CNGB1: variants seen among roughly 807,000 people sequenced by gnomAD.
The protein encoded by CNGB1 is cyclic nucleotide-gated channel beta-1.
A neutral mutation model predicts 151.7 loss-of-function variants in CNGB1; 126 were observed. The observed-to-expected ratio is 0.83, with a 90% CI of 0.72 to 0.96. The LOEUF is 0.96. Ranked by LOEUF, CNGB1 falls within the 40% of genes least tolerant of loss-of-function variation. CNGB1 has a pLI of 0.00. For synonymous variants in CNGB1, 623 were observed against 635.1 expected (o/e 0.98, Z 0.29); for missense variants, 1,698 against 1,627.0 (o/e 1.04, Z -0.75).
rs1232030692 is a variant in CNGB1 at position 57,960,897 on chromosome 16, A to G, written c.477T>C (p.Leu159=). Residue 159 remains leucine (L), a synonymous_variant, in exon 8 of 33, where the codon CTT becomes CTC. Coordinates refer to ENST00000251102, the MANE Select transcript of CNGB1 (RefSeq NM_001297.5). ...TTTCCAGATTCTGCTCCAGCCACAGAAGCAGCCGCAGCCCAGGCCTGCAGA... is the reference window on the plus strand; with the variant it reads ...TTTCCAGATTCTGCTCCAGCCACAGGAGCAGCCGCAGCCCAGGCCTGCAGA... The part of the protein sequence containing the change: ...AQDTRPGLRL[L]LWLEQNLERV... The G allele has an allele frequency of 6.2e-7, 1 of 1,614,138 alleles. No individual in the cohort carries two copies.
At chr16:57,943,869 G>A (rs1245787978) in intron 14 of CNGB1, among the ~76,000 whole-genome samples, 1 of 152,010 alleles carries the variant, frequency 6.6e-6, no homozygotes, top group Non-Finnish European at 1.5e-5. Flanking sequence ...AGAGGTGTCT[G>A]CACTCCCATC....
chr16:57,942,899 A>G (rs1226995583), intron 14 of CNGB1, among the ~76,000 whole-genome samples: 1 of 151,866 alleles, frequency 6.6e-6, no homozygotes, highest in Non-Finnish European at 1.5e-5. Context: ...TTGATTGAAC[A>G]CTACTTAAAT....
Position 57,964,121 on chromosome 16 carries a change from G to A in CNGB1, c.290+9C>T, listed in dbSNP as rs779192561. The stretch of plus-strand genomic sequence containing the variant: ...CTGGCCCTGAAGAGAGGGGAGGGTG[G>A]TGCAGTACCTATTCATTTCAGAAAT... On this transcript the variant is annotated intron_variant, in intron 4 of 32. Coordinates refer to ENST00000251102, the MANE Select transcript of CNGB1 (RefSeq NM_001297.5). The A allele has an allele frequency of 6.2e-7, 1 of 1,613,748 alleles. No homozygotes were observed.
At chr16:57,885,099 T>C (rs1478280550) in intron 32 of CNGB1, among the ~76,000 whole-genome samples, 1 of 152,100 alleles carries the variant, frequency 6.6e-6, no homozygotes, top group Non-Finnish European at 1.5e-5. Flanking sequence ...TTCACATCAG[T>C]AGGGGACTGG....
At chr16:57,901,067 G>C (rs1043102100) in intron 29 of CNGB1, among the ~76,000 whole-genome samples, 13 of 152,070 alleles carry the variant, frequency 8.5e-5, no homozygotes, top group Non-Finnish European at 1.5e-4. Context: ...GTTGGGGGGG[G>C]GGTCTTTGTC....
At chr16:57,960,614 C>T (rs539948701) in intron 8 of CNGB1, 84 bp from the exon 9 acceptor site, 5 of 1,566,512 alleles carry the variant, frequency 3.2e-6, no homozygotes, top group Non-Finnish European at 4.4e-6. Flanking sequence ...TGTGTCCTGG[C>T]CCAAGGCGGG....
chr16:57,969,658 A>G (rs1003320495), intron 1 of CNGB1, among the ~76,000 whole-genome samples: 1 of 152,228 alleles, frequency 6.6e-6, no homozygotes, highest in African/African-American at 2.4e-5. Flanking sequence ...AGAAAGAAAG[A>G]AAAAGATAAA....
intron 15 of CNGB1, 144 bp downstream of exon 15, chr16:57,940,090 G>T (rs1360269147): frequency 1.2e-6 from 1 of 841,182 alleles, no homozygotes; most frequent in Non-Finnish European, 1.9e-6. Context: ...AGGGGGCCTC[G>T]CAGGACCCGC....
chr16:57,922,021 G>A (rs529852554), intron 18 of CNGB1, among the ~76,000 whole-genome samples: 8 of 152,220 alleles, frequency 5.3e-5, no homozygotes, highest in Middle Eastern at 3.4e-3. Flanking sequence ...TTCTGCCTTC[G>A]TTTCTGATAT....
intron 12 of CNGB1, among the ~76,000 whole-genome samples, chr16:57,954,482 A>G (rs1341062678): frequency 6.6e-6 from 1 of 152,136 alleles, no homozygotes; most frequent in African/African-American, 2.4e-5. Flanking sequence ...AATTTTTAAA[A>G]TCACTCCATG....
intron 16 of CNGB1, among the ~76,000 whole-genome samples, chr16:57,936,872 T>C (rs1377971673): frequency 6.6e-6 from 1 of 151,052 alleles, no homozygotes; most frequent in Non-Finnish European, 1.5e-5. Context: ...TTGCTAATTG[T>C]GGTGGAATTT....
At chr16:57,896,453 G>A (rs1168749605) in intron 31 of CNGB1, among the ~76,000 whole-genome samples, 1 of 152,064 alleles carries the variant, frequency 6.6e-6, no homozygotes, top group African/African-American at 2.4e-5. Context: ...AATGGCTCAC[G>A]CCTGTAATCC....
intron 26 of CNGB1, 129 bp from the exon 27 acceptor site, chr16:57,904,110 G>T: frequency 1.3e-6 from 1 of 770,682 alleles, no homozygotes; most frequent in Non-Finnish European, 2.2e-6. Flanking sequence ...GTTGGGAGGG[G>T]GGTAGGCAGA....
At chr16:57,966,414 T>A (rs143559005) in intron 2 of CNGB1, among the ~76,000 whole-genome samples, 14 of 152,340 alleles carry the variant, frequency 9.2e-5, no homozygotes, top group Admixed American at 3.3e-4. Context: ...TTAGTTGTCA[T>A]CCAGCTCCTG....
At chr16:57,913,860 G>T (rs1218874910) in intron 23 of CNGB1, among the ~76,000 whole-genome samples, 2 of 152,138 alleles carry the variant, frequency 1.3e-5, no homozygotes, top group Non-Finnish European at 2.9e-5. Context: ...GACAGAAATT[G>T]GTGCTCAGGG....
chr16:57,890,752 C>T (rs1960066133), intron 31 of CNGB1, among the ~76,000 whole-genome samples: 2 of 152,228 alleles, frequency 1.3e-5, no homozygotes, highest in South Asian at 4.1e-4. Context: ...CCACACGTGG[C>T]CCTCACCAAC....
chr16:57,930,496 A>G (rs1012803263), intron 17 of CNGB1, among the ~76,000 whole-genome samples: 2 of 133,492 alleles, frequency 1.5e-5, no homozygotes, highest in South Asian at 5.8e-4. Context: ...CTTGTCTGAA[A>G]GGAAGAAAGC....
chr16:57,970,300 C>T (rs2149391737), intron 1 of CNGB1, among the ~76,000 whole-genome samples: 1 of 152,308 alleles, frequency 6.6e-6, no homozygotes, highest in Non-Finnish European at 1.5e-5. Flanking sequence ...CCCAGGCAGC[C>T]CCGAGAGCCA....
chr16:57,970,249 C>T (rs1030260457), intron 1 of CNGB1, among the ~76,000 whole-genome samples: 2 of 152,202 alleles, frequency 1.3e-5, no homozygotes, highest in Non-Finnish European at 2.9e-5. Flanking sequence ...ACTGCCAGAG[C>T]TCACATGTTG....
Sources: allele counts gnomAD v4.1 joint callset (sites outside exome capture counted in the v4.1 genomes callset), GRCh38; gene constraint gnomAD v4.1.1; transcripts MANE v1.5; gene names NCBI Gene and HGNC (gene_info 2026-07-23, HGNC 2026-07-21).